The following CLVS1 variants were observed in gnomAD, a reference collection of about 807,000 sequenced individuals.
CLVS1 encodes clavesin-1.
In CLVS1, 10 loss-of-function variants were observed where a neutral mutation model predicts 33.1. That is an observed-to-expected ratio of 0.30 (90% CI 0.19 to 0.51). The LOEUF is 0.51. Ranked by LOEUF, CLVS1 falls within the 20% of genes least tolerant of loss-of-function variation. CLVS1 has a pLI of 0.97. For missense variants in CLVS1, 343 were observed against 433.4 expected, an observed-to-expected ratio of 0.79 and a Z score of 1.85; for synonymous variants, 163 against 166.1, an observed-to-expected ratio of 0.98 and a Z score of 0.14.
chr8:61,358,139 C>T (rs1197363940), intron 2 of CLVS1, among the ~76,000 whole-genome samples: 1 of 152,188 alleles, frequency 6.6e-6, no homozygotes, highest in Admixed American at 6.5e-5. Context: ...ATTTTTCTTC[C>T]AATCTGGATC....
At chr8:61,295,339 A>G (rs190438940) in intron 1 of CLVS1, among the ~76,000 whole-genome samples, 1 of 152,288 alleles carries the variant, frequency 6.6e-6, no homozygotes, top group East Asian at 1.9e-4. Context: ...GAATGACAAG[A>G]TCTGTTATCT....
intron 2 of CLVS1, among the ~76,000 whole-genome samples, chr8:61,277,627 A>G (rs1809585561): frequency 6.6e-6 from 1 of 152,110 alleles, no homozygotes; most frequent in Admixed American, 6.5e-5. Context: ...TTCCCAACAA[A>G]TGCTTGGGGG....
chr8:61,231,306 A>ACACACACACACACACACACT (rs1018645839), intron 2 of CLVS1, among the ~76,000 whole-genome samples: 18 of 151,108 alleles, frequency 1.2e-4, no homozygotes, highest in African/African-American at 4.4e-4. Flanking sequence ...ACACACACAC[A>ACACACACACACACACACACT]CTCTAATATT....
Position 61,490,973 on chromosome 8 carries a change from GA to G in CLVS1, c.978-8472del, listed in dbSNP as rs1202710339. Among the ~76,000 whole-genome samples, 8 of 138,908 alleles carry G rather than the reference GA, an allele frequency of 5.8e-5. 1 individual carries two copies. Among genetic ancestry groups the G allele is most frequent in the South Asian group, 2.3e-4 (1 of 4,370 alleles). The allele number at this position is 138,908 out of a possible 152,430, so 91.1% of individuals were successfully genotyped here. A position where few individuals can be genotyped will look rare whatever the true frequency, so the allele number is the denominator to read the frequency against. ...CAGACTCCATCTCCAAAAAAAAAAA[GA>G]AAAAAAAAAGAAAGAAAGAAATTAT... On this transcript the variant is annotated intron_variant, in intron 5 of 5. Coordinates refer to ENST00000325897, the MANE Select transcript of CLVS1 (RefSeq NM_173519.3).
the CLVS1 span, among the ~76,000 whole-genome samples, chr8:61,028,946 G>C: frequency 2.0e-5 from 3 of 152,212 alleles, no homozygotes; most frequent in East Asian, 5.8e-4. Flanking sequence ...ATAGGTTTGT[G>C]CTGGAATGCA....
rs780888060 is a variant in CLVS1 at position 61,499,587 on chromosome 8, A to G, written c.*45A>G. Reference sequence around the variant, plus strand: ...CTCCTGCACACTGGCCTTCAGTGGTATCAGCCACCCAGGAAGCACATGCAC... The same window carrying G: ...CTCCTGCACACTGGCCTTCAGTGGTGTCAGCCACCCAGGAAGCACATGCAC... On this transcript the variant is annotated 3_prime_UTR_variant, in exon 6 of 6. Transcript: ENST00000325897. 2.5e-5 allele frequency: 36 copies of G among 1,457,810 alleles called. No individual in the cohort carries two copies. The highest frequency in any genetic ancestry group is 1.7e-4 in the Middle Eastern group (1 of 5,724). The allele number at this position is 1,457,810 out of a possible 1,614,324, so 90.3% of individuals were successfully genotyped here.
At chr8:61,141,536 C>T (rs111663635) in intron 2 of CLVS1, among the ~76,000 whole-genome samples, 1 of 152,154 alleles carries the variant, frequency 6.6e-6, no homozygotes, top group Non-Finnish European at 1.5e-5. Context: ...CATTAATTCT[C>T]TCTCTCTTTC....
chr8:61,310,114 ATT>A (rs1810782314), intron 2 of CLVS1, among the ~76,000 whole-genome samples: 1 of 152,200 alleles, frequency 6.6e-6, no homozygotes, highest in South Asian at 2.1e-4. Flanking sequence ...CCCAAAGCCT[ATT>A]AAGAGAAACC....
chr8:60,967,633 A>G, the CLVS1 span: 1 of 455,750 alleles, frequency 2.2e-6, no homozygotes, highest in South Asian at 1.6e-5. Context: ...TGGCTCCTTT[A>G]TCTCCAGGGC....
At chr8:61,267,718 C>T (rs187154047) in intron 2 of CLVS1, among the ~76,000 whole-genome samples, 1 of 152,166 alleles carries the variant, frequency 6.6e-6, no homozygotes, top group African/African-American at 2.4e-5. Context: ...ATAATCATGA[C>T]TGAGGTACAT....
chr8:61,416,501 G>A (rs1433518041), intron 3 of CLVS1, among the ~76,000 whole-genome samples: 1 of 152,170 alleles, frequency 6.6e-6, no homozygotes, highest in Non-Finnish European at 1.5e-5. Context: ...AAACACTGAT[G>A]TAAAACACCC....
chr8:61,316,882 T>A (rs1811028293), intron 2 of CLVS1, among the ~76,000 whole-genome samples: 1 of 152,124 alleles, frequency 6.6e-6, no homozygotes, highest in African/African-American at 2.4e-5. Context: ...TTTTCTCACC[T>A]ATAAAATAAA....
At chr8:61,240,579 A>G (rs532129227) in intron 2 of CLVS1, among the ~76,000 whole-genome samples, 2 of 152,302 alleles carry the variant, frequency 1.3e-5, no homozygotes, top group African/African-American at 2.4e-5. Context: ...ATCTTTGTCT[A>G]TTTTATTCAC....
At chr8:61,455,301 C>T (rs1270980292) in intron 4 of CLVS1, among the ~76,000 whole-genome samples, 2 of 151,618 alleles carry the variant, frequency 1.3e-5, no homozygotes, top group Non-Finnish European at 2.9e-5. Flanking sequence ...ATTAGGTCTC[C>T]AAAATCTATT....
chr8:61,156,536 C>A (rs1225255505), intron 2 of CLVS1, among the ~76,000 whole-genome samples: 1 of 152,032 alleles, frequency 6.6e-6, no homozygotes, highest in Non-Finnish European at 1.5e-5. Flanking sequence ...AAAGTCAATA[C>A]AATTTATAGA....
chr8:61,457,873 G>A (rs1305835247), intron 4 of CLVS1, among the ~76,000 whole-genome samples: 1 of 152,198 alleles, frequency 6.6e-6, no homozygotes, highest in East Asian at 1.9e-4. Flanking sequence ...GGCGAATTAG[G>A]AAGAAGCTGC....
chr8:61,354,316 A>T (rs1290507355), intron 2 of CLVS1, among the ~76,000 whole-genome samples: 1 of 152,030 alleles, frequency 6.6e-6, no homozygotes, highest in Admixed American at 6.6e-5. Context: ...CAGAAACACC[A>T]ACTGTTGTTG....
In CLVS1 at chr8:61,102,767, G is replaced by A. The variant is rs114698132; in HGVS notation, c.-242-29003G>A. Among the ~76,000 whole-genome samples the A allele has an allele frequency of 5.9e-3, 902 of 152,128 alleles. 11 individuals are homozygous for A. Among genetic ancestry groups the A allele is most frequent in the African/African-American group, 0.021 (852 of 41,514 alleles). On this transcript the variant is annotated intron_variant, in intron 1 of 2. Coordinates refer to the CLVS1 transcript ENST00000522621. ...TAAGGGGCAAAACTTATGAATATAG[G>A]AAAAAGGAAAAGAGACAGGGAAAAG...
At chr8:61,175,535 G>T (rs1256356756) in intron 2 of CLVS1, among the ~76,000 whole-genome samples, 2 of 152,170 alleles carry the variant, frequency 1.3e-5, no homozygotes, top group Admixed American at 6.5e-5. Flanking sequence ...TGGAAATAAG[G>T]TTTTGCAGAT....
Sources: gnomAD v4.1 joint callset for allele counts (sites outside exome capture counted in the v4.1 genomes callset) on GRCh38, gnomAD v4.1.1 for gene constraint, MANE v1.5 for transcripts, NCBI Gene and HGNC (gene_info 2026-07-23, HGNC 2026-07-21) for gene names.